SHANK2: variants seen among roughly 807,000 people sequenced by gnomAD.
SHANK2 encodes the protein SH3 and multiple ankyrin repeat domains protein 2.
In SHANK2, 43 loss-of-function variants were observed where a neutral mutation model predicts 133.7. That is an observed-to-expected ratio of 0.32 (90% confidence interval 0.25 to 0.41). The LOEUF (loss-of-function observed/expected upper bound fraction) is 0.41, where lower values mean the gene tolerates loss of function less well. Among genes scored for constraint, SHANK2 ranks in the 10% least tolerant of loss-of-function variants. SHANK2 has a pLI of 1.00. For missense variants in SHANK2, 1,994 were observed against 2,235.8 expected (o/e 0.89, Z 2.18); for synonymous variants, 1,017 against 952.8 (o/e 1.07, Z -1.24).
chr11:70,919,570 C>G (rs1317729385), intron 10 of SHANK2, among the ~76,000 whole-genome samples: 1 of 152,048 alleles, frequency 6.6e-6, no homozygotes, highest in Non-Finnish European at 1.5e-5. Flanking sequence ...TTAGTAGAGT[C>G]AGAGTTTCAC....
At chr11:71,059,717 G>C (rs1950964190) in intron 9 of SHANK2, among the ~76,000 whole-genome samples, 1 of 152,194 alleles carries the variant, frequency 6.6e-6, no homozygotes, top group Admixed American at 6.5e-5. Flanking sequence ...TAAGAGTGTG[G>C]GCTGCGCTCA....
intron 17 of SHANK2, among the ~76,000 whole-genome samples, chr11:70,538,553 T>TGGTCA (rs1219199448): frequency 3.9e-5 from 6 of 152,232 alleles, no homozygotes; most frequent in Non-Finnish European, 8.8e-5. Context: ...TCCTGGCCCT[T>TGGTCA]GGTCAGAGTA....
chr11:71,103,633 G>A (rs1448640814), intron 6 of SHANK2, among the ~76,000 whole-genome samples: 1 of 152,174 alleles, frequency 6.6e-6, no homozygotes, highest in Non-Finnish European at 1.5e-5. Flanking sequence ...GATATGGTTT[G>A]GATGGGTGTC....
chr11:70,953,750 C>A (rs1172045253), intron 10 of SHANK2, among the ~76,000 whole-genome samples: 3 of 152,210 alleles, frequency 2.0e-5, no homozygotes, highest in Non-Finnish European at 4.4e-5. Flanking sequence ...TCTGGCGACA[C>A]CCTCAGACAC....
chr11:71,163,883 T>C (rs56181437), intron 2 of SHANK2, among the ~76,000 whole-genome samples: 38,044 of 152,090 alleles, frequency 0.25, 5,211 homozygotes, highest in African/African-American at 0.35. Context: ...GTGCTTTTTA[T>C]TGTGCACTTC....
Position 70,822,840 on chromosome 11 carries a change from T to A in SHANK2, c.1175-2158A>T, listed in dbSNP as rs55794912. On this transcript the variant is annotated intron_variant, in intron 11 of 25. Transcript: ENST00000601538. ...GTGGCGCTGGCAGAGCTCATGGGGG[T>A]CAGAGGTGGCGTTGGCAGAGGTCAC... 3.6e-3 allele frequency among the ~76,000 whole-genome samples: 40 copies of A among 11,098 alleles called. 1 individual carries two copies. Among genetic ancestry groups the A allele is most frequent in the Admixed American group, 4.4e-3 (4 of 908 alleles). The allele number at this position is 11,098 out of a possible 152,430, so 7.3% of individuals were successfully genotyped here.
At chr11:70,583,912 C>G (rs2060215752) in intron 17 of SHANK2, among the ~76,000 whole-genome samples, 1 of 152,216 alleles carries the variant, frequency 6.6e-6, no homozygotes, top group South Asian at 2.1e-4. Flanking sequence ...CCATGCCTCC[C>G]CTCTCTCCCT....
At chr11:70,572,822 G>T (rs1321462990) in intron 17 of SHANK2, among the ~76,000 whole-genome samples, 2 of 152,192 alleles carry the variant, frequency 1.3e-5, no homozygotes, top group African/African-American at 4.8e-5. Flanking sequence ...TGGTGAGGCT[G>T]CTTTGGAAGA....
intron 15 of SHANK2, among the ~76,000 whole-genome samples, chr11:70,690,060 G>A (rs1184653348): frequency 6.6e-6 from 1 of 152,142 alleles, no homozygotes; most frequent in Admixed American, 6.5e-5. Context: ...GACAGAATAA[G>A]GGCAAAGAAA....
intron 2 of SHANK2, among the ~76,000 whole-genome samples, chr11:71,209,082 T>G (rs1345053837): frequency 6.6e-6 from 1 of 152,188 alleles, no homozygotes; most frequent in African/African-American, 2.4e-5. Context: ...TAAGCCACTG[T>G]GCTTCAAAAG....
chr11:70,548,551 T>C (rs2059725183), intron 17 of SHANK2, among the ~76,000 whole-genome samples: 1 of 152,166 alleles, frequency 6.6e-6, no homozygotes, highest in African/African-American at 2.4e-5. Context: ...GTCCTTCCCC[T>C]TCCAGAGTCC....
At chr11:70,784,869 C>A (rs1055762586) in intron 14 of SHANK2, among the ~76,000 whole-genome samples, 3 of 152,240 alleles carry the variant, frequency 2.0e-5, no homozygotes, top group Non-Finnish European at 4.4e-5. Context: ...AGCCCTCCCG[C>A]TATTGGGGGC....
chr11:70,496,853 C>G (rs1248511162), intron 21 of SHANK2: 1 of 412,364 alleles, frequency 2.4e-6, no homozygotes, highest in Non-Finnish European at 4.9e-6. Flanking sequence ...TCCAGGAGAA[C>G]CACGAGGCGG....
chr11:70,606,303 A>G (rs1401902551), intron 17 of SHANK2, among the ~76,000 whole-genome samples: 1 of 151,908 alleles, frequency 6.6e-6, no homozygotes, highest in Non-Finnish European at 1.5e-5. Flanking sequence ...TTTGATCCCA[A>G]TGCTATGGGA....
chr11:70,916,660 G>A (rs1045826745), intron 10 of SHANK2, among the ~76,000 whole-genome samples: 9 of 152,036 alleles, frequency 5.9e-5, no homozygotes, highest in Non-Finnish European at 1.2e-4. Flanking sequence ...AAGCCCCCTC[G>A]CCCTCCCTTC....
chr11:70,850,295 A>G (rs1949065438), intron 11 of SHANK2, among the ~76,000 whole-genome samples: 1 of 152,170 alleles, frequency 6.6e-6, no homozygotes, highest in Admixed American at 6.5e-5. Context: ...TGAAACTTGA[A>G]CCTAGAGATG....
In SHANK2 at chr11:70,538,486, G is replaced by T. The variant is rs79530471; in HGVS notation, c.2062-35555C>A. Among the ~76,000 whole-genome samples, 81 of 152,386 alleles carry T rather than the reference G, an allele frequency of 5.3e-4. 1 individual carries two copies. The East Asian group carries it at 0.015, about 29-fold the overall frequency. ...CACATGGCTCATATGGTATTCTGGG[G>T]ATGCGTCCTCCCCTGAGCCAGTGCT... On this transcript the variant is annotated intron_variant, in intron 17 of 25. Coordinates refer to ENST00000601538, the MANE Select transcript of SHANK2 (RefSeq NM_012309.5).
At chr11:71,105,108 A>C (rs1267928226) in intron 6 of SHANK2, among the ~76,000 whole-genome samples, 1 of 152,210 alleles carries the variant, frequency 6.6e-6, no homozygotes, top group Non-Finnish European at 1.5e-5. Context: ...GTGGATAAGC[A>C]AACTGGGGTA....
chr11:70,679,769 C>T (rs782599695), intron 15 of SHANK2, among the ~76,000 whole-genome samples: 17 of 152,362 alleles, frequency 1.1e-4, no homozygotes, highest in Non-Finnish European at 1.3e-4. Flanking sequence ...GCCACCGCTG[C>T]CCGCTGCCAC....
Sources: gnomAD v4.1 joint callset for allele counts (sites outside exome capture counted in the v4.1 genomes callset) on GRCh38, gnomAD v4.1.1 for gene constraint, MANE v1.5 for transcripts, NCBI Gene and HGNC (gene_info 2026-07-23, HGNC 2026-07-21) for gene names.